The following PAK1 variants were observed in gnomAD, a reference collection of about 807,000 sequenced individuals.
PAK1 encodes the protein p21 (RAC1) activated kinase 1, also known as serine/threonine-protein kinase PAK 1.
Under a neutral mutation model 67.4 loss-of-function variants are expected in PAK1, and 29 were observed. That is an observed-to-expected ratio of 0.43 (90% CI 0.32 to 0.59). PAK1 has a LOEUF of 0.59. PAK1 is among the 20% of genes least tolerant of loss of function. The pLI is 0.07. For synonymous variants in PAK1, 223 were observed against 237.4 expected (o/e 0.94, Z 0.56); for missense variants, 337 against 670.7 (o/e 0.50, Z 5.50).
intron 1 of PAK1, among the ~76,000 whole-genome samples, chr11:77,467,389 C>T (rs1957648733): frequency 6.6e-6 from 1 of 152,114 alleles, no homozygotes. Context: ...ACTATAAACC[C>T]AAGGGTAGAG....
intron 1 of PAK1, among the ~76,000 whole-genome samples, chr11:77,445,889 T>C (rs1002484434): frequency 1.3e-5 from 2 of 152,212 alleles, no homozygotes; most frequent in South Asian, 2.1e-4. Flanking sequence ...TAGTTATTGA[T>C]TTACAGGGCT....
intron 1 of PAK1, among the ~76,000 whole-genome samples, chr11:77,454,002 T>G (rs1433317774): frequency 6.6e-6 from 1 of 152,124 alleles, no homozygotes; most frequent in Non-Finnish European, 1.5e-5. Flanking sequence ...AGGTTGAAGC[T>G]GCAGTGAACT....
At chr11:77,483,831 A>C in the PAK1 span, among the ~76,000 whole-genome samples, 5 of 152,234 alleles carry the variant, frequency 3.3e-5, no homozygotes, top group African/African-American at 1.2e-4. Context: ...GGAGATGAAA[A>C]TTTAGTAAAG....
intron 14 of PAK1, among the ~76,000 whole-genome samples, chr11:77,329,864 T>G (rs1293493713): frequency 1.3e-5 from 2 of 152,230 alleles, no homozygotes; most frequent in Non-Finnish European, 2.9e-5. Context: ...GCAGATGACA[T>G]GATTGTATAT....
At chr11:77,409,408 T>C (rs1954153757) in intron 1 of PAK1, among the ~76,000 whole-genome samples, 1 of 152,116 alleles carries the variant, frequency 6.6e-6, no homozygotes, top group African/African-American at 2.4e-5. Flanking sequence ...CCTCAGAAAC[T>C]AAACATAGAA....
intron 1 of PAK1, among the ~76,000 whole-genome samples, chr11:77,457,166 A>C (rs1037355456): frequency 3.9e-5 from 6 of 152,268 alleles, no homozygotes; most frequent in Non-Finnish European, 7.3e-5. Context: ...ATGTTAGGTC[A>C]GTAGCAGAGA....
At chr11:77,360,948 T>C (rs1185935656) in intron 5 of PAK1, among the ~76,000 whole-genome samples, 4 of 152,256 alleles carry the variant, frequency 2.6e-5, no homozygotes, top group Non-Finnish European at 5.9e-5. Context: ...TCATTATGTC[T>C]AATAACCACA....
chr11:77,334,565 G>A (rs1447419856), intron 13 of PAK1, among the ~76,000 whole-genome samples: 2 of 152,200 alleles, frequency 1.3e-5, no homozygotes, highest in African/African-American at 4.8e-5. Context: ...TTGCACCTGT[G>A]TTGAGATGCT....
At chr11:77,504,810 T>C in the PAK1 span, among the ~76,000 whole-genome samples, 1 of 152,224 alleles carries the variant, frequency 6.6e-6, no homozygotes, top group South Asian at 2.1e-4. Context: ...CCTAAGGTGT[T>C]AGGCACCTGA....
At chr11:77,481,440 G>A in the PAK1 span, among the ~76,000 whole-genome samples, 1 of 152,214 alleles carries the variant, frequency 6.6e-6, no homozygotes, top group Admixed American at 6.5e-5. Flanking sequence ...ACTTTGGGAG[G>A]CCGAGGCGGG....
At chr11:77,371,060 T>C (rs1185959334) in intron 5 of PAK1, among the ~76,000 whole-genome samples, 4 of 152,196 alleles carry the variant, frequency 2.6e-5, no homozygotes, top group South Asian at 4.1e-4. Flanking sequence ...ATCACAAAAA[T>C]TGTGAGACCA....
chr11:77,389,774 A>G (rs904621273), intron 2 of PAK1, among the ~76,000 whole-genome samples: 5 of 152,216 alleles, frequency 3.3e-5, no homozygotes, highest in African/African-American at 4.8e-5. Context: ...TAAAATATGT[A>G]ATTTGGGAAA....
intron 5 of PAK1, among the ~76,000 whole-genome samples, chr11:77,369,592 C>A (rs1948137894): frequency 6.6e-6 from 1 of 151,490 alleles, no homozygotes; most frequent in African/African-American, 2.4e-5. Flanking sequence ...GGATTACAGG[C>A]ATATACCCCC....
chr11:77,333,198 T>TC (rs1942030384), intron 13 of PAK1, among the ~76,000 whole-genome samples: 2 of 145,942 alleles, frequency 1.4e-5, no homozygotes, highest in East Asian at 3.9e-4. Context: ...CTTCTTCTTT[T>TC]TTTTTTTTTT....
At chr11:77,464,989 A>AGTGTGTGTGTGTGT (rs57578087) in intron 1 of PAK1, among the ~76,000 whole-genome samples, 1 of 148,902 alleles carries the variant, frequency 6.7e-6, no homozygotes, top group Non-Finnish European at 1.5e-5. Flanking sequence ...TACATGAAAG[A>AGTGTGTGTGTGTGT]GTGTGTGTGT....
At chr11:77,394,945 T>A (rs751321325) in intron 1 of PAK1, among the ~76,000 whole-genome samples, 18 of 152,266 alleles carry the variant, frequency 1.2e-4, no homozygotes, top group Non-Finnish European at 1.9e-4. Context: ...TTTGACCAAA[T>A]GCACCAATTA....
At chr11:77,487,787 T>G in the PAK1 span, among the ~76,000 whole-genome samples, 1 of 152,096 alleles carries the variant, frequency 6.6e-6, no homozygotes, top group Non-Finnish European at 1.5e-5. Context: ...ACCAGGTAGA[T>G]CCCTAAGGTT....
the PAK1 span, among the ~76,000 whole-genome samples, chr11:77,496,100 C>T: frequency 6.6e-6 from 1 of 151,408 alleles, no homozygotes; most frequent in African/African-American, 2.4e-5. Context: ...CTCACTGCAA[C>T]CTCCGCTTCC....
upstream of PAK1, among the ~76,000 whole-genome samples, chr11:77,477,847 T>C (rs1422091057): frequency 6.6e-6 from 1 of 152,142 alleles, no homozygotes; most frequent in Non-Finnish European, 1.5e-5. Context: ...CACTTAAGCC[T>C]AGGAGGTCGA....
Sources: allele counts gnomAD v4.1 joint callset (sites outside exome capture counted in the v4.1 genomes callset), GRCh38; gene constraint gnomAD v4.1.1; transcripts MANE v1.5; gene names NCBI Gene and HGNC (gene_info 2026-07-23, HGNC 2026-07-21).